SGCD: variants seen among roughly 807,000 people sequenced by gnomAD.
SGCD encodes the protein delta-sarcoglycan.
Under a neutral mutation model 36.6 loss-of-function variants are expected in SGCD, and 18 were observed. That is an observed-to-expected ratio of 0.49 (90% CI 0.34 to 0.73). SGCD has a LOEUF of 0.73. SGCD is among the 30% of genes least tolerant of loss of function. The pLI, the probability that SGCD is intolerant of heterozygous loss-of-function variation, is 0.01. For missense variants in SGCD, 387 were observed against 346.7 expected (o/e 1.12, Z -0.92); for synonymous variants, 133 against 130.6 (o/e 1.02, Z -0.12).
At chr5:156,240,389 A>T (rs2127655823) in intron 3 of SGCD, among the ~76,000 whole-genome samples, 1 of 152,318 alleles carries the variant, frequency 6.6e-6, no homozygotes, top group Admixed American at 6.5e-5. Flanking sequence ...GGGAATGCTA[A>T]CAAAATAGAA....
At chr5:156,211,292 A>G (rs1243132898) in intron 3 of SGCD, among the ~76,000 whole-genome samples, 1 of 152,178 alleles carries the variant, frequency 6.6e-6, no homozygotes, top group African/African-American at 2.4e-5. Context: ...CCAGTCTTAG[A>G]AGAAAGGCTA....
At chr5:156,542,303 A>G (rs77185275) in intron 4 of SGCD, among the ~76,000 whole-genome samples, 266 of 152,304 alleles carry the variant, frequency 1.7e-3, no homozygotes, top group African/African-American at 6.1e-3. Flanking sequence ...CCAGATTTAT[A>G]AAACCCCACC....
intron 3 of SGCD, among the ~76,000 whole-genome samples, chr5:156,151,282 A>T (rs1762828009): frequency 6.6e-6 from 1 of 151,664 alleles, no homozygotes; most frequent in Admixed American, 6.6e-5. Context: ...TCACTACTAA[A>T]AGCAATAGTC....
the SGCD span, among the ~76,000 whole-genome samples, chr5:155,728,171 C>G: frequency 6.6e-6 from 1 of 152,274 alleles, no homozygotes; most frequent in African/African-American, 2.4e-5. Flanking sequence ...AGCCTCTCCC[C>G]GCCGCCCCCA....
At chr5:155,956,719 C>T (rs151089466) in intron 1 of SGCD, among the ~76,000 whole-genome samples, 140 of 152,142 alleles carry the variant, frequency 9.2e-4, no homozygotes, top group African/African-American at 2.9e-3. Context: ...TCACTGCAGC[C>T]TCTACCTCCA....
intron 3 of SGCD, among the ~76,000 whole-genome samples, chr5:156,419,708 C>T (rs1176085478): frequency 6.6e-6 from 1 of 152,082 alleles, no homozygotes; most frequent in Non-Finnish European, 1.5e-5. Context: ...CATAAGTGGG[C>T]AAGAGAAAAT....
chr5:156,263,508 G>T (rs1765921509), intron 3 of SGCD, among the ~76,000 whole-genome samples: 1 of 152,046 alleles, frequency 6.6e-6, no homozygotes, highest in Non-Finnish European at 1.5e-5. Flanking sequence ...GTTGTCGAAT[G>T]CATAGGTTGT....
chr5:156,392,476 T>G (rs1458771172), intron 3 of SGCD, among the ~76,000 whole-genome samples: 2 of 152,154 alleles, frequency 1.3e-5, no homozygotes, highest in African/African-American at 4.8e-5. Flanking sequence ...GGGCTCTGAC[T>G]CCATGGCAGT....
At chr5:156,720,711 T>G (rs1183558449) in intron 7 of SGCD, among the ~76,000 whole-genome samples, 1 of 152,152 alleles carries the variant, frequency 6.6e-6, no homozygotes, top group East Asian at 1.9e-4. Flanking sequence ...CAAAAGGCAA[T>G]CTCCCAAAGA....
intron 1 of SGCD, among the ~76,000 whole-genome samples, chr5:155,891,840 G>T (rs574214734): frequency 2.1e-4 from 32 of 152,036 alleles, no homozygotes; most frequent in African/African-American, 7.0e-4. Context: ...ATTAAACATG[G>T]TTTCCTTAGC....
chr5:156,243,196 T>A (rs1765348055), intron 3 of SGCD, among the ~76,000 whole-genome samples: 1 of 152,062 alleles, frequency 6.6e-6, no homozygotes, highest in Non-Finnish European at 1.5e-5. Context: ...TGAGAAGAGG[T>A]CTATGCTCAG....
intron 3 of SGCD, among the ~76,000 whole-genome samples, chr5:156,192,568 T>A (rs2127633174): frequency 6.6e-6 from 1 of 151,952 alleles, no homozygotes; most frequent in South Asian, 2.1e-4. Flanking sequence ...TAGAGTAGGG[T>A]GACTAGTTAA....
At chr5:155,896,495 A>T (rs1354991556) in intron 1 of SGCD, among the ~76,000 whole-genome samples, 2 of 149,708 alleles carry the variant, frequency 1.3e-5, no homozygotes, top group African/African-American at 2.5e-5. Context: ...AAAACACAAG[A>T]ATTAGGCAGC....
At chr5:155,910,446 A>C (rs1419081196) in intron 1 of SGCD, among the ~76,000 whole-genome samples, 1 of 152,120 alleles carries the variant, frequency 6.6e-6, no homozygotes, top group Admixed American at 6.6e-5. Flanking sequence ...AAGCGGAATT[A>C]GGGCATAAAG....
chr5:156,676,098 G>A lies in SGCD; in HGVS notation c.575+28562G>A, dbSNP rs543868260. On this transcript the variant is annotated intron_variant, in intron 7 of 8. Transcript: ENST00000337851. ...TTTAATTTTTCAAATGGAATATTTT[G>A]TATTATCCAAGAGAGTGTCCATTTA... is the stretch of plus-strand genomic sequence containing the variant. 1.3e-4 allele frequency among the ~76,000 whole-genome samples: 20 copies of A among 152,328 alleles called. No homozygotes were observed. The South Asian group carries it at 2.9e-3, about 22-fold the overall frequency.
At chr5:156,712,461 G>A (rs1755035318) in intron 7 of SGCD, among the ~76,000 whole-genome samples, 1 of 152,162 alleles carries the variant, frequency 6.6e-6, no homozygotes, top group Admixed American at 6.5e-5. Context: ...TCCCAAACAA[G>A]GTAATGTTTC....
At chr5:155,781,673 G>A in the SGCD span, among the ~76,000 whole-genome samples, 1 of 152,028 alleles carries the variant, frequency 6.6e-6, no homozygotes, top group Non-Finnish European at 1.5e-5. Flanking sequence ...GTTTTGCTAT[G>A]TTGCCCAGGC....
intron 2 of SGCD, among the ~76,000 whole-genome samples, chr5:156,121,892 A>G (rs532110243): frequency 1.1e-4 from 17 of 152,136 alleles, no homozygotes; most frequent in East Asian, 1.9e-4. Context: ...GAAAGTAACA[A>G]TGAGATTTCA....
chr5:156,668,606 C>T (rs1753159341), intron 7 of SGCD, among the ~76,000 whole-genome samples: 1 of 152,158 alleles, frequency 6.6e-6, no homozygotes, highest in South Asian at 2.1e-4. Context: ...GTATATTCAT[C>T]TTCTCTATAC....
Sources: gnomAD v4.1 joint callset for allele counts (sites outside exome capture counted in the v4.1 genomes callset) on GRCh38, gnomAD v4.1.1 for gene constraint, MANE v1.5 for transcripts, NCBI Gene and HGNC (gene_info 2026-07-23, HGNC 2026-07-21) for gene names.